Variants in SMYD3 observed in about 807,000 individuals in gnomAD.
SMYD3 encodes SET and MYND domain containing 3, also known as histone-lysine N-methyltransferase SMYD3.
Under a neutral mutation model 57.7 loss-of-function variants are expected in SMYD3, and 36 were observed. The ratio of observed to expected loss-of-function variants is 0.62; its 90% CI spans 0.48 to 0.82. The LOEUF is 0.82. Ranked by LOEUF, SMYD3 falls within the 40% of genes least tolerant of loss-of-function variation. SMYD3 has a pLI of 0.00. For synonymous variants in SMYD3, 211 were observed against 195.0 expected (o/e 1.08, Z -0.68); for missense variants, 515 against 538.8 (o/e 0.96, Z 0.44).
chr1:246,112,711 A>T (rs2061266148), intron 5 of SMYD3, among the ~76,000 whole-genome samples: 2 of 152,246 alleles, frequency 1.3e-5, no homozygotes, highest in Admixed American at 6.5e-5. Context: ...AAAATAAAAA[A>T]TAGGCTACAC....
At chr1:246,299,498 C>A (rs1042967057) in intron 5 of SMYD3, among the ~76,000 whole-genome samples, 2 of 152,070 alleles carry the variant, frequency 1.3e-5, no homozygotes, top group African/African-American at 4.8e-5. Context: ...CTGACACATA[C>A]CCAAAGGAAT....
At chr1:245,938,285 G>C (rs1459996901) in intron 5 of SMYD3, among the ~76,000 whole-genome samples, 1 of 152,204 alleles carries the variant, frequency 6.6e-6, no homozygotes, top group African/African-American at 2.4e-5. Context: ...TTGGGGACTA[G>C]TGCGTGGCTG....
chr1:246,503,686 G>A (rs2068491711), intron 1 of SMYD3, among the ~76,000 whole-genome samples: 1 of 152,150 alleles, frequency 6.6e-6, no homozygotes. Context: ...TTTCAGGCCG[G>A]GGACAGCGGC....
At chr1:246,376,365 C>G (rs575169512) in intron 1 of SMYD3, among the ~76,000 whole-genome samples, 4 of 151,816 alleles carry the variant, frequency 2.6e-5, no homozygotes, top group African/African-American at 9.7e-5. Flanking sequence ...CCGAGGTGAG[C>G]GGATCACCTG....
At chr1:246,485,625 C>CA (rs200544920) in intron 1 of SMYD3, among the ~76,000 whole-genome samples, 10 of 150,922 alleles carry the variant, frequency 6.6e-5, no homozygotes, top group African/African-American at 1.2e-4. Flanking sequence ...CACATCTCTA[C>CA]AAAAAAAATT....
chr1:246,022,087 A>G (rs533668159), intron 5 of SMYD3, among the ~76,000 whole-genome samples: 1 of 152,362 alleles, frequency 6.6e-6, no homozygotes, highest in East Asian at 1.9e-4. Context: ...CGTTAAACAA[A>G]TGAAAGTCTA....
chr1:245,939,621 G>A (rs954103641), intron 5 of SMYD3, among the ~76,000 whole-genome samples: 78 of 118,182 alleles, frequency 6.6e-4, no homozygotes, highest in African/African-American at 1.9e-3. Flanking sequence ...GCAAGACTCC[G>A]TCTCAGGAAG....
intron 5 of SMYD3, among the ~76,000 whole-genome samples, chr1:246,212,519 C>T (rs1275589066): frequency 6.6e-6 from 1 of 151,894 alleles, no homozygotes; most frequent in Non-Finnish European, 1.5e-5. Context: ...TTTTATTTTC[C>T]TCTCTTTATT....
chr1:245,790,650 G>T (rs2148182931), intron 10 of SMYD3, among the ~76,000 whole-genome samples: 1 of 152,354 alleles, frequency 6.6e-6, no homozygotes, highest in South Asian at 2.1e-4. Context: ...TTCTGAAGCA[G>T]GAATTTCTGC....
At position 246,234,136 on chromosome 1, in the gene SMYD3, T is replaced by C. The variant is rs1455371859; in HGVS notation, c.531+93065A>G. On this transcript the variant is annotated intron_variant, in intron 5 of 11. Coordinates refer to ENST00000490107, the MANE Select transcript of SMYD3 (RefSeq NM_001167740.2). ...GGAGAAGCACTCCTTCAATCCACAC[T>C]GTGATGAATATATACCACACAGAGG... Among the ~76,000 whole-genome samples the C allele has an allele frequency of 1.7e-4, 21 of 124,756 alleles. 1 individual carries two copies. Among genetic ancestry groups the C allele is most frequent in the African/African-American group, 5.5e-4 (18 of 32,922 alleles). The allele number at this position is 124,756 out of a possible 152,430, so 81.8% of individuals were successfully genotyped here. A position where few individuals can be genotyped will look rare whatever the true frequency, so the allele number is the denominator to read the frequency against.
chr1:245,855,307 C>T (rs1195021961), intron 10 of SMYD3, among the ~76,000 whole-genome samples: 1 of 126,590 alleles, frequency 7.9e-6, no homozygotes, highest in African/African-American at 2.5e-5. Context: ...GTATTTTTCT[C>T]TCCGTTTTTA....
chr1:246,180,366 A>G (rs1260032186), intron 5 of SMYD3, among the ~76,000 whole-genome samples: 1 of 147,506 alleles, frequency 6.8e-6, no homozygotes, highest in Non-Finnish European at 1.5e-5. Flanking sequence ...ATATAAGTAT[A>G]TATATAAACT....
chr1:246,198,962 T>C lies in SMYD3; in HGVS notation c.531+128239A>G, dbSNP rs148464495. Among the ~76,000 whole-genome samples, 98 of 152,280 alleles carry C rather than the reference T, an allele frequency of 6.4e-4. 2 individuals carry two copies. In the East Asian group the frequency reaches 0.018, roughly 28 times the overall value. ...TTAAAGGGTTTTTTAATGTAAATTT[T>C]TGCTTATAATTTCAACTTCTATTTT... On this transcript the variant is annotated intron_variant, in intron 5 of 11. Transcript: ENST00000490107.
At chr1:245,845,288 A>T (rs114053373) in intron 10 of SMYD3, among the ~76,000 whole-genome samples, 1,648 of 152,362 alleles carry the variant, frequency 0.011, 31 homozygotes, top group African/African-American at 0.037. Context: ...TTTAAAAGGT[A>T]TAAATTAACC....
At position 246,395,790 on chromosome 1, in the gene SMYD3, AGGGAAGAGGAACCCACCACGGCTG is replaced by A. The variant is rs1381844586; in HGVS notation, c.165-40720_165-40697del. Among the ~76,000 whole-genome samples, 13 of 151,904 alleles carry A rather than the reference AGGGAAGAGGAACCCACCACGGCTG, an allele frequency of 8.6e-5. No individual in the cohort carries two copies. The East Asian group carries it at 2.5e-3, about 29-fold the overall frequency. On this transcript the variant is annotated intron_variant, in intron 1 of 11. Transcript: ENST00000490107. ...GAAGAGGAACCCACCATGGTCAGAC[AGGGAAGAGGAACCCACCACGGCTG>A]GACAGGGAAGACGAACCCACCACTG...
intron 5 of SMYD3, among the ~76,000 whole-genome samples, chr1:246,128,071 G>A (rs1441368527): frequency 6.6e-6 from 1 of 152,118 alleles, no homozygotes; most frequent in Non-Finnish European, 1.5e-5. Context: ...TAGAAATGTA[G>A]GCGTAAAGCA....
chr1:245,980,459 C>T (rs1407168861), intron 5 of SMYD3, among the ~76,000 whole-genome samples: 1 of 152,206 alleles, frequency 6.6e-6, no homozygotes, highest in African/African-American at 2.4e-5. Flanking sequence ...GTTGGAAGGA[C>T]GTCTGTAGAT....
chr1:246,096,366 C>CA (rs1475516709), intron 5 of SMYD3: 13 of 152,152 alleles, frequency 8.5e-5, no homozygotes, highest in African/African-American at 3.1e-4. Context: ...GCTGTGGGCT[C>CA]GCAGAACCTC....
intron 8 of SMYD3, among the ~76,000 whole-genome samples, chr1:245,914,852 T>A (rs2055283775): frequency 6.9e-6 from 1 of 145,634 alleles, no homozygotes; most frequent in Non-Finnish European, 1.5e-5. Context: ...TCACTCTGTA[T>A]CCCAAAATAT....
Sources: gnomAD v4.1 joint callset for allele counts (sites outside exome capture counted in the v4.1 genomes callset) on GRCh38, gnomAD v4.1.1 for gene constraint, MANE v1.5 for transcripts, NCBI Gene and HGNC (gene_info 2026-07-23, HGNC 2026-07-21) for gene names.